Variants in IL17RD observed in about 807,000 individuals in gnomAD.
IL17RD encodes interleukin 17 receptor D, also known as interleukin-17 receptor D.
IL17RD carries 52 observed loss-of-function variants against 80.5 expected under a neutral mutation model. The observed-to-expected ratio is 0.65, with a 90% CI of 0.52 to 0.81. IL17RD has a LOEUF of 0.81. Ranked by LOEUF, IL17RD falls within the 40% of genes least tolerant of loss-of-function variation. IL17RD has a pLI of 0.00. For missense variants in IL17RD, 1,024 were observed against 955.1 expected (o/e 1.07, Z -0.95); for synonymous variants, 416 against 391.8 (o/e 1.06, Z -0.73).
chr3:57,168,970 G>A (rs757319672), upstream of IL17RD, among the ~76,000 whole-genome samples: 1 of 152,178 alleles, frequency 6.6e-6, no homozygotes, highest in African/African-American at 2.4e-5. Context: ...CACCCACCTC[G>A]GACTTCCAAA....
At chr3:57,110,896 A>T (rs943079701) in intron 3 of IL17RD, among the ~76,000 whole-genome samples, 2 of 152,238 alleles carry the variant, frequency 1.3e-5, no homozygotes, top group African/African-American at 2.4e-5. Context: ...AAAGGCAGAC[A>T]CCCAAGGGTT....
intron 1 of IL17RD, among the ~76,000 whole-genome samples, chr3:57,144,483 C>G (rs756126409): frequency 9.9e-5 from 15 of 152,178 alleles, no homozygotes; most frequent in Non-Finnish European, 1.6e-4. Context: ...CTTCTTAAAG[C>G]TTATCTCTGT....
intron 1 of IL17RD, among the ~76,000 whole-genome samples, chr3:57,146,190 A>G (rs1268735756): frequency 1.3e-5 from 2 of 152,230 alleles, no homozygotes; most frequent in Non-Finnish European, 2.9e-5. Flanking sequence ...TAAGTCAGGA[A>G]GACTCACTAA....
At chr3:57,103,254 AG>A in intron 8 of IL17RD, 109 bp from the exon 9 acceptor site, 1 of 887,782 alleles carries the variant, frequency 1.1e-6, no homozygotes, top group Non-Finnish European at 1.8e-6. Flanking sequence ...CAGTGCGGGA[AG>A]GGGTGGGAAG....
intron 7 of IL17RD, among the ~76,000 whole-genome samples, chr3:57,105,055 C>T (rs1706922813): frequency 6.6e-6 from 1 of 152,172 alleles, no homozygotes; most frequent in African/African-American, 2.4e-5. Context: ...AGTGGCTTGG[C>T]TCCTAGATCT....
intron 1 of IL17RD, among the ~76,000 whole-genome samples, chr3:57,127,371 TATATATAAATAA>T (rs1579291660): frequency 1.1e-5 from 1 of 91,750 alleles, no homozygotes; most frequent in African/African-American, 5.3e-5. Context: ...TATAAATATA[TATATATAAATAA>T]ATAAATAAAT....
intron 1 of IL17RD, among the ~76,000 whole-genome samples, chr3:57,129,312 G>A (rs899775822): frequency 1.3e-5 from 2 of 152,142 alleles, no homozygotes; most frequent in Non-Finnish European, 2.9e-5. Flanking sequence ...TCCAGAAGCC[G>A]AAAAAGTCTC....
chr3:57,136,641 C>CCA (rs1707735224), intron 1 of IL17RD, among the ~76,000 whole-genome samples: 78 of 48,036 alleles, frequency 1.6e-3, no homozygotes, highest in Admixed American at 3.2e-3. Context: ...AACCCCCACT[C>CCA]AAAAAAAAAA....
intron 12 of IL17RD, among the ~76,000 whole-genome samples, chr3:57,096,953 T>G (rs74494823): frequency 0.16 from 24,193 of 149,244 alleles, 2,501 homozygotes; most frequent in East Asian, 0.37. Context: ...GAGGTTGCAG[T>G]GAGCTGAGAT....
At chr3:57,127,201 T>A (rs527556959) in intron 1 of IL17RD, among the ~76,000 whole-genome samples, 65 of 115,756 alleles carry the variant, frequency 5.6e-4, no homozygotes, top group African/African-American at 2.7e-3. Context: ...TATATATAAA[T>A]ATATATAAAA....
chr3:57,139,366 C>CT (rs1195867784), intron 1 of IL17RD, among the ~76,000 whole-genome samples: 2 of 151,966 alleles, frequency 1.3e-5, no homozygotes, highest in Non-Finnish European at 2.9e-5. Flanking sequence ...TGAAAACCAT[C>CT]TTTTTAAATG....
intron 1 of IL17RD, among the ~76,000 whole-genome samples, chr3:57,125,131 G>A (rs1347660479): frequency 1.3e-5 from 2 of 152,238 alleles, no homozygotes; most frequent in African/African-American, 4.8e-5. Context: ...AATAGGCTGG[G>A]TGCAGTGGCT....
intron 5 of IL17RD, among the ~76,000 whole-genome samples, chr3:57,108,306 G>A (rs546129759): frequency 6.6e-6 from 1 of 151,310 alleles, no homozygotes. Context: ...TGCCTGCCTC[G>A]GCCTCCCAAA....
intron 1 of IL17RD, among the ~76,000 whole-genome samples, chr3:57,126,474 G>C (rs910207786): frequency 5.3e-5 from 8 of 152,216 alleles, no homozygotes; most frequent in African/African-American, 1.9e-4. Flanking sequence ...ATATGGCAAA[G>C]AAGCAAAGGC....
chr3:57,158,545 C>G (rs1215323221), intron 1 of IL17RD, among the ~76,000 whole-genome samples: 1 of 152,172 alleles, frequency 6.6e-6, no homozygotes, highest in Non-Finnish European at 1.5e-5. Context: ...ACAGCTGGTA[C>G]CTATTAAGTC....
intron 9 of IL17RD, 41 bp downstream of exon 9, chr3:57,103,050 A>T (rs1347345916): frequency 6.9e-7 from 1 of 1,440,872 alleles, no homozygotes; most frequent in Non-Finnish European, 9.6e-7. Flanking sequence ...ACCTTGGTCT[A>T]TAGTAGTCTA....
intron 1 of IL17RD, among the ~76,000 whole-genome samples, chr3:57,131,223 G>C (rs988374001): frequency 6.6e-6 from 1 of 151,152 alleles, no homozygotes; most frequent in African/African-American, 2.4e-5. Context: ...CAGTTACTTG[G>C]GAGAAATATC....
intron 1 of IL17RD, chr3:57,142,468 A>G (rs1333950173): frequency 7.8e-7 from 1 of 1,281,976 alleles, no homozygotes; most frequent in Non-Finnish European, 1.0e-6. Flanking sequence ...CTCCACTGAC[A>G]AACAACGCAG....
At position 57,098,029 on chromosome 3, in the gene IL17RD, G is replaced by C; in HGVS notation, c.1674C>G (p.Asp558Glu). 1.2e-6 allele frequency: 2 copies of C among 1,614,064 alleles called. No individual in the cohort carries two copies. Among genetic ancestry groups the C allele is most frequent in the Non-Finnish European group, 1.7e-6 (2 of 1,179,904 alleles). The change falls in exon 12 of 13, where the codon GAC becomes GAG. Residue 558 changes from aspartate (D) to glutamate (E), a missense_variant. Transcript: ENST00000296318. ...AGGGAACGAACTGCTTTTCGAACCA[G>C]TCGGGCTCCTCGTCAATAAACTGGT... ...NMHQFIDEEP[D>E]WFEKQFVPFH...
Sources: gnomAD v4.1 joint callset for allele counts (sites outside exome capture counted in the v4.1 genomes callset) on GRCh38, gnomAD v4.1.1 for gene constraint, MANE v1.5 for transcripts, NCBI Gene and HGNC (gene_info 2026-07-23, HGNC 2026-07-21) for gene names.